The following TLL2 variants were observed in gnomAD, a reference collection of about 807,000 sequenced individuals.
TLL2 encodes the protein tolloid like 2, also known as tolloid-like protein 2.
In TLL2, 106 loss-of-function variants were observed where a neutral mutation model predicts 123.0. The observed-to-expected ratio is 0.86, with a 90% CI of 0.74 to 1.01. The LOEUF (loss-of-function observed/expected upper bound fraction) is 1.01. Among genes scored for constraint, TLL2 ranks in the 50% least tolerant of loss-of-function variants. The pLI, the probability that TLL2 is intolerant of heterozygous loss-of-function variation, is 0.00. For missense variants in TLL2, 1,332 were observed against 1,336.7 expected, an observed-to-expected ratio of 1.00 and a Z score of 0.06; for synonymous variants, 494 against 516.8, an observed-to-expected ratio of 0.96 and a Z score of 0.60.
chr10:96,470,937 T>G (rs1357724840), intron 2 of TLL2, among the ~76,000 whole-genome samples: 1 of 152,230 alleles, frequency 6.6e-6, no homozygotes, highest in Non-Finnish European at 1.5e-5. Flanking sequence ...GAATCCATTC[T>G]CAGATCCCTC....
chr10:96,422,489 G>A, intron 6 of TLL2, 60 bp downstream of exon 6: 1 of 1,594,012 alleles, frequency 6.3e-7, no homozygotes, highest in Non-Finnish European at 8.6e-7. Flanking sequence ...CCTCCCTCCT[G>A]TCCCTGAGGT....
chr10:96,472,910 G>A (rs1847198768), intron 2 of TLL2, among the ~76,000 whole-genome samples: 2 of 152,172 alleles, frequency 1.3e-5, no homozygotes, highest in South Asian at 4.1e-4. Flanking sequence ...TCTTGGGTAT[G>A]CACTGGTGTT....
chr10:96,504,415 G>T (rs536406709), intron 1 of TLL2, among the ~76,000 whole-genome samples: 1 of 152,198 alleles, frequency 6.6e-6, no homozygotes, highest in South Asian at 2.1e-4. Flanking sequence ...TTCAAAACCA[G>T]CCTGGCTGAT....
At chr10:96,496,571 C>T (rs1258604770) in intron 1 of TLL2, among the ~76,000 whole-genome samples, 4 of 152,180 alleles carry the variant, frequency 2.6e-5, no homozygotes, top group East Asian at 1.9e-4. Context: ...GGGCTGGCGA[C>T]CACCTTGCTT....
rs538688767 is a variant in TLL2, at chr10:96,482,127, G to A, written c.176-1668C>T. 3.9e-5 allele frequency among the ~76,000 whole-genome samples: 6 copies of A among 152,218 alleles called. No homozygotes were observed. The South Asian group carries it at 1.2e-3, about 32-fold the overall frequency. ...AAAAAAATTAGCTGGGCATGGTGGC[G>A]GGCGCCTGTAGTCCCAGCTACTCCA... On this transcript the variant is annotated intron_variant, in intron 1 of 20. Coordinates refer to ENST00000357947, the MANE Select transcript of TLL2 (RefSeq NM_012465.4).
chr10:96,409,690 G>A (rs1364255231), intron 9 of TLL2, among the ~76,000 whole-genome samples: 1 of 152,168 alleles, frequency 6.6e-6, no homozygotes, highest in African/African-American at 2.4e-5. Flanking sequence ...TCAGCTCTAG[G>A]GGGTCACGGA....
intron 7 of TLL2, among the ~76,000 whole-genome samples, chr10:96,420,329 C>T (rs1298656777): frequency 6.6e-6 from 1 of 152,212 alleles, no homozygotes; most frequent in Non-Finnish European, 1.5e-5. Flanking sequence ...GTCTGCTAGG[C>T]GCAGCACATC....
At chr10:96,500,155 A>C (rs1589437586) in intron 1 of TLL2, among the ~76,000 whole-genome samples, 1 of 150,840 alleles carries the variant, frequency 6.6e-6, no homozygotes, top group South Asian at 2.1e-4. Flanking sequence ...AAAAAAAAAA[A>C]AAAAATACAA....
intron 2 of TLL2, among the ~76,000 whole-genome samples, chr10:96,448,765 T>C (rs1297711393): frequency 6.6e-6 from 1 of 152,020 alleles, no homozygotes; most frequent in Non-Finnish European, 1.5e-5. Flanking sequence ...GGGAGTGTGC[T>C]TGGCCGGGGG....
rs144251888 is a variant in TLL2, at chr10:96,395,202, C to T, written c.1711G>A (p.Ala571Thr). ...DGSINKAGFA[A>T]NFFKEVDECS... ...TAATTCATACCCTTGAAAAAATTGG[C>T]TGCAAAGCCCGCTTTATTGATAGAG... The change falls in exon 13 of 21, where the codon GCC (alanine) becomes ACC (threonine). Residue 571 changes from alanine (A) to threonine (T), a missense_variant. Coordinates refer to ENST00000357947, the MANE Select transcript of TLL2 (RefSeq NM_012465.4). 3.1e-4 allele frequency: 500 copies of T among 1,601,974 alleles called. No homozygotes were observed. Among genetic ancestry groups the T allele is most frequent in the Non-Finnish European group, 4.0e-4 (468 of 1,175,518 alleles).
At chr10:96,476,240 A>ATATATATATTTTTTTTTTTTTTT in intron 2 of TLL2, among the ~76,000 whole-genome samples, 2 of 20,490 alleles carry the variant, frequency 9.8e-5, no homozygotes, top group Non-Finnish European at 2.0e-4. Flanking sequence ...ATATATATAT[A>ATATATATATTTTTTTTTTTTTTT]TTTTATTTTT....
chr10:96,411,094 T>A (rs1349165275), intron 8 of TLL2, among the ~76,000 whole-genome samples: 1 of 151,656 alleles, frequency 6.6e-6, no homozygotes, highest in Non-Finnish European at 1.5e-5. Context: ...ATACAAAAAT[T>A]AGCTGGGTGG....
intron 7 of TLL2, among the ~76,000 whole-genome samples, chr10:96,416,695 G>A (rs532655993): frequency 7.2e-5 from 11 of 152,318 alleles, no homozygotes; most frequent in East Asian, 1.9e-4. Context: ...CACTCAGACC[G>A]CTCTTTGGTG....
Position 96,384,743 on chromosome 10 carries a change from C to CCTCTACAAAG in TLL2, c.2028_2037dup (p.Val680LeufsTer22). On this transcript the variant is annotated frameshift_variant, in exon 16 of 21. Transcript: ENST00000357947. LOFTEE classifies it high-confidence loss of function. ...GCGTCGGGGGACAGGCCGCTGCGCA[C>CCTCTACAAAG]CTCTACAAAGTCGTACTTACAGACC... 6.2e-7 allele frequency: 1 copy of CCTCTACAAAG among 1,603,652 alleles called. No homozygotes were observed. The highest frequency in any genetic ancestry group is 1.1e-5 in the South Asian group (1 of 89,936).
chr10:96,405,961 G>T (rs761259329), intron 9 of TLL2, among the ~76,000 whole-genome samples: 16 of 152,160 alleles, frequency 1.1e-4, no homozygotes, highest in Non-Finnish European at 1.9e-4. Context: ...CCCAGAGAAG[G>T]GGGGAAAGGC....
intron 1 of TLL2, 82 bp from the exon 2 acceptor site, chr10:96,480,541 G>A: frequency 2.7e-6 from 3 of 1,095,670 alleles, no homozygotes; most frequent in Non-Finnish European, 2.8e-6. Context: ...AGGGCATTGG[G>A]TGTTGGGTGG....
chr10:96,412,492 G>C (rs1324624840), intron 8 of TLL2, among the ~76,000 whole-genome samples: 8 of 152,200 alleles, frequency 5.3e-5, no homozygotes, highest in Non-Finnish European at 1.2e-4. Flanking sequence ...GAAGAGCTCA[G>C]ACGGTGTGTG....
chr10:96,426,717 C>T (rs1846680987), intron 5 of TLL2, among the ~76,000 whole-genome samples: 1 of 152,164 alleles, frequency 6.6e-6, no homozygotes, highest in Admixed American at 6.5e-5. Flanking sequence ...CTATTTCTCC[C>T]ATTTTCATTT....
At position 96,428,646 on chromosome 10, in the gene TLL2, C is replaced by A. The variant is rs780965919; in HGVS notation, c.623G>T (p.Ser208Ile). ...GTTTACTTACCCACAGGTTCTGTAA[C>A]TGAATACAATAAAGCTTTCCTCATC... ...RTDEESFIVF[S>I]YRTCGCCSYV... Residue 208 changes from serine to isoleucine, a missense_variant, in exon 5 of 21, where the codon AGT (serine) becomes ATT (isoleucine). Transcript: ENST00000357947. 1.4e-5 allele frequency: 22 copies of A among 1,613,250 alleles called. No homozygotes were observed. The East Asian group carries it at 1.8e-4, about 13-fold the overall frequency.
Sources: allele counts gnomAD v4.1 joint callset (sites outside exome capture counted in the v4.1 genomes callset), GRCh38; gene constraint gnomAD v4.1.1; transcripts MANE v1.5; gene names NCBI Gene and HGNC (gene_info 2026-07-23, HGNC 2026-07-21).